Variants in FSHR observed in about 807,000 individuals in gnomAD.
The protein encoded by FSHR is follicle stimulating hormone receptor, also known as follicle-stimulating hormone receptor.
Under a neutral mutation model 52.1 loss-of-function variants are expected in FSHR, and 46 were observed. The observed-to-expected ratio is 0.88, with a 90% CI of 0.70 to 1.13. The LOEUF is 1.13. FSHR is among the 50% of genes most tolerant of loss of function. The pLI is 0.00. For synonymous variants in FSHR, 399 were observed against 309.6 expected, an observed-to-expected ratio of 1.29 and a Z score of -3.03; for missense variants, 964 against 834.6, an observed-to-expected ratio of 1.16 and a Z score of -1.91.
intron 1 of FSHR, among the ~76,000 whole-genome samples, chr2:49,088,476 G>A (rs1022887271): frequency 1.3e-5 from 2 of 152,190 alleles, no homozygotes; most frequent in Non-Finnish European, 2.9e-5. Context: ...TCTAGATTCT[G>A]CACCCCGGTT....
chr2:49,102,672 T>G (rs988540068), intron 1 of FSHR, among the ~76,000 whole-genome samples: 2 of 152,150 alleles, frequency 1.3e-5, no homozygotes, highest in Non-Finnish European at 2.9e-5. Flanking sequence ...AGAAAGTCAA[T>G]TTTTGAATGG....
intron 9 of FSHR, among the ~76,000 whole-genome samples, chr2:48,966,017 G>C (rs1312021766): frequency 1.3e-5 from 2 of 152,212 alleles, no homozygotes; most frequent in African/African-American, 4.8e-5. Flanking sequence ...CAGAGCCTAA[G>C]CTTTGGAGGC....
chr2:49,081,850 G>T (rs1419622923), intron 1 of FSHR, among the ~76,000 whole-genome samples: 1 of 152,152 alleles, frequency 6.6e-6, no homozygotes, highest in Admixed American at 6.5e-5. Context: ...TCCCTTTGTG[G>T]CTTAAAGGAG....
At chr2:49,041,068 C>G (rs1396692502) in intron 2 of FSHR, among the ~76,000 whole-genome samples, 1 of 152,194 alleles carries the variant, frequency 6.6e-6, no homozygotes, top group Non-Finnish European at 1.5e-5. Flanking sequence ...TCTCTTCAAA[C>G]TACCTGACAA....
chr2:49,095,232 A>G (rs1033412024), intron 1 of FSHR, among the ~76,000 whole-genome samples: 14 of 152,180 alleles, frequency 9.2e-5, no homozygotes, highest in African/African-American at 3.4e-4. Flanking sequence ...AAAATTCACT[A>G]CAGAGCTACA....
At chr2:49,110,433 T>C (rs1671383221) in intron 1 of FSHR, among the ~76,000 whole-genome samples, 1 of 152,206 alleles carries the variant, frequency 6.6e-6, no homozygotes, top group Non-Finnish European at 1.5e-5. Flanking sequence ...ACTTGAATTG[T>C]AAATCATTTA....
intron 1 of FSHR, among the ~76,000 whole-genome samples, chr2:49,083,101 T>C (rs1054338147): frequency 5.9e-5 from 9 of 151,400 alleles, no homozygotes; most frequent in Non-Finnish European, 1.0e-4. Context: ...GAGAGAAAGG[T>C]CGGGTTACCC....
chr2:49,040,416 T>TTTTTTTA (rs1668440929), intron 2 of FSHR, among the ~76,000 whole-genome samples: 1 of 152,110 alleles, frequency 6.6e-6, no homozygotes, highest in African/African-American at 2.4e-5. Context: ...CTATATAAGT[T>TTTTTTTA]ACTCAATTTT....
At chr2:49,083,014 G>A (rs916912730) in intron 1 of FSHR, among the ~76,000 whole-genome samples, 6 of 151,034 alleles carry the variant, frequency 4.0e-5, no homozygotes, top group Admixed American at 2.6e-4. Flanking sequence ...GATACTCCTC[G>A]AGAAGAGCAA....
At chr2:49,073,646 A>G (rs1390390852) in intron 1 of FSHR, among the ~76,000 whole-genome samples, 2 of 152,164 alleles carry the variant, frequency 1.3e-5, no homozygotes, top group East Asian at 3.8e-4. Flanking sequence ...ATTCAATGCA[A>G]TCCCTATCAA....
intron 4 of FSHR, among the ~76,000 whole-genome samples, chr2:49,006,868 C>T (rs1189107360): frequency 6.6e-6 from 1 of 152,142 alleles, no homozygotes; most frequent in Non-Finnish European, 1.5e-5. Flanking sequence ...CGACTCTCTA[C>T]TTTTACTACT....
intron 2 of FSHR, among the ~76,000 whole-genome samples, chr2:49,067,550 G>A (rs973168560): frequency 3.3e-5 from 5 of 152,072 alleles, no homozygotes; most frequent in African/African-American, 9.7e-5. Context: ...GAATGCCCAG[G>A]AGGTGATACC....
intron 1 of FSHR, among the ~76,000 whole-genome samples, chr2:49,112,563 T>G (rs1249765536): frequency 6.6e-6 from 1 of 152,216 alleles, no homozygotes; most frequent in African/African-American, 2.4e-5. Context: ...CCTATAAAGA[T>G]GCATTGATAG....
At chr2:49,065,088 A>G (rs11676909) in intron 2 of FSHR, among the ~76,000 whole-genome samples, 52,738 of 152,018 alleles carry the variant, frequency 0.35, 9,770 homozygotes, top group East Asian at 0.49. Flanking sequence ...AATATGCAAT[A>G]TGATGTCTGG....
intron 6 of FSHR, among the ~76,000 whole-genome samples, chr2:48,986,393 C>CCT (rs1675516870): frequency 8.1e-6 from 1 of 124,074 alleles, no homozygotes; most frequent in Non-Finnish European, 1.6e-5. Context: ...ATTTGCCATG[C>CCT]TTTTTTTTTT....
intron 2 of FSHR, among the ~76,000 whole-genome samples, chr2:49,066,576 G>T (rs1313822653): frequency 6.6e-6 from 1 of 152,098 alleles, no homozygotes; most frequent in Non-Finnish European, 1.5e-5. Flanking sequence ...GTGTATCGCT[G>T]TGCCAGTTCA....
chr2:49,053,985 G>C (rs1668963214), intron 2 of FSHR, among the ~76,000 whole-genome samples: 1 of 152,176 alleles, frequency 6.6e-6, no homozygotes. Context: ...ACAACATAGA[G>C]ACAGATCTAA....
At chr2:49,009,344 C>T (rs1197192546) in intron 4 of FSHR, among the ~76,000 whole-genome samples, 2 of 151,930 alleles carry the variant, frequency 1.3e-5, no homozygotes, top group African/African-American at 4.8e-5. Context: ...TGTAGATATG[C>T]AGCGTTATTT....
chr2:48,986,034 T>C (rs1243512794), intron 6 of FSHR, among the ~76,000 whole-genome samples: 1 of 152,204 alleles, frequency 6.6e-6, no homozygotes, highest in East Asian at 1.9e-4. Flanking sequence ...TTTTTTACAT[T>C]AGGTAGTCTG....
Sources: gnomAD v4.1 joint callset for allele counts (sites outside exome capture counted in the v4.1 genomes callset) on GRCh38, gnomAD v4.1.1 for gene constraint, MANE v1.5 for transcripts, NCBI Gene and HGNC (gene_info 2026-07-23, HGNC 2026-07-21) for gene names.